SEC14L1: variants seen among roughly 807,000 people sequenced by gnomAD.
SEC14L1 encodes the protein SEC14 like lipid binding 1.
SEC14L1 carries 48 observed loss-of-function variants against 85.3 expected under a neutral mutation model. That is an observed-to-expected ratio of 0.56 (90% CI 0.45 to 0.72). The LOEUF is 0.72. Ranked by LOEUF, SEC14L1 falls within the 30% of genes least tolerant of loss-of-function variation. SEC14L1 has a pLI of 0.00. For missense variants in SEC14L1, 682 were observed against 921.4 expected (o/e 0.74, Z 3.36); for synonymous variants, 391 against 355.5 (o/e 1.10, Z -1.12).
At chr17:77,161,620 G>T (rs1027969880) in intron 3 of SEC14L1, among the ~76,000 whole-genome samples, 14 of 151,130 alleles carry the variant, frequency 9.3e-5, no homozygotes, top group African/African-American at 3.4e-4. Flanking sequence ...AGGAGGGTTT[G>T]TACATGACTC....
chr17:77,198,256 C>T (rs1483232809), intron 8 of SEC14L1, among the ~76,000 whole-genome samples: 1 of 152,192 alleles, frequency 6.6e-6, no homozygotes, highest in Non-Finnish European at 1.5e-5. Context: ...GTGAGTCTTG[C>T]TTGGTTCTGA....
intron 3 of SEC14L1, among the ~76,000 whole-genome samples, chr17:77,144,319 T>C (rs1973180944): frequency 6.6e-6 from 1 of 152,196 alleles, no homozygotes. Flanking sequence ...ACACACCTGA[T>C]GAAAACGTGT....
rs1159892332 is a variant in SEC14L1 at position 77,215,528 on chromosome 17, G to A, written c.*1505G>A. The A allele has an allele frequency of 1.0e-6, 1 of 986,554 alleles. No individual in the cohort carries two copies. Among genetic ancestry groups the A allele is most frequent in the African/African-American group, 1.7e-5 (1 of 57,162 alleles). 61.1% of individuals were successfully genotyped at this position (986,554 alleles called of 1,614,324 possible). A position where few individuals can be genotyped will look rare whatever the true frequency, so the allele number is the denominator to read the frequency against. On this transcript the variant is annotated 3_prime_UTR_variant, in exon 17 of 17. Coordinates refer to ENST00000436233, the MANE Select transcript of SEC14L1 (RefSeq NM_001143998.2). ...GGAGGCCATGTGTGCCCCGTGCAGG[G>A]ATCAGGAGGGCGGGGGAGGGACCGA...
intron 3 of SEC14L1, among the ~76,000 whole-genome samples, chr17:77,095,752 G>A (rs1971626353): frequency 6.6e-6 from 1 of 152,070 alleles, no homozygotes; most frequent in Non-Finnish European, 1.5e-5. Flanking sequence ...AGGAGACAGA[G>A]GTTTCGGTGA....
At chr17:77,103,428 G>T (rs991030796) in intron 3 of SEC14L1, among the ~76,000 whole-genome samples, 6 of 150,038 alleles carry the variant, frequency 4.0e-5, no homozygotes, top group Non-Finnish European at 7.4e-5. Context: ...TTTCTTTTTT[G>T]TTGTTGTTTT....
intron 2 of SEC14L1, among the ~76,000 whole-genome samples, chr17:77,092,110 G>A (rs1192398969): frequency 6.6e-6 from 1 of 152,026 alleles, no homozygotes; most frequent in Non-Finnish European, 1.5e-5. Context: ...CACCTGGCCT[G>A]TTTATGGAAT....
chr17:77,165,516 G>A (rs944260187), intron 3 of SEC14L1, among the ~76,000 whole-genome samples: 1 of 152,168 alleles, frequency 6.6e-6, no homozygotes, highest in African/African-American at 2.4e-5. Flanking sequence ...GAGTAGAGGG[G>A]TGACTTTGAG....
intron 9 of SEC14L1, among the ~76,000 whole-genome samples, chr17:77,202,932 A>T (rs1159795084): frequency 9.3e-5 from 11 of 118,164 alleles, no homozygotes; most frequent in Admixed American, 4.4e-4. Context: ...AAAAAATAAA[A>T]AAATAAAAAA....
chr17:77,212,056 C>T lies in SEC14L1; in HGVS notation c.1718C>T (p.Pro573Leu). ...NIYHSKRSPQ[P>L]PKKDSLGAHS... The stretch of plus-strand genomic sequence containing the variant: ...TATCACTCCAAGAGGTCGCCACAAC[C>T]ACCCAAAAAGGACTCCCTGGGAGCC... Residue 573 changes from proline to leucine, a missense_variant, in exon 15 of 17, where the codon CCA becomes CTA. By Grantham distance (98) the Pro-to-Leu change is moderately conservative. Transcript: ENST00000436233. The T allele has an allele frequency of 6.2e-7, 1 of 1,614,144 alleles. No individual in the cohort carries two copies. Among genetic ancestry groups the T allele is most frequent in the South Asian group, 1.1e-5 (1 of 91,080 alleles).
At position 77,189,778 on chromosome 17, in the gene SEC14L1, G is replaced by A. The variant is rs547217878; in HGVS notation, c.64-1025G>A. ...TGAGTAGCTGGAACTACAGGCGCCC[G>A]CCACCACGCCCGGCTAATTTTTTGT... On this transcript the variant is annotated intron_variant, in intron 3 of 16. Transcript: ENST00000436233. Among the ~76,000 whole-genome samples, 25 of 152,184 alleles carry A rather than the reference G, an allele frequency of 1.6e-4. No homozygotes were observed. In the South Asian group the frequency reaches 1.7e-3, roughly 10 times the overall value.
At position 77,213,781 on chromosome 17, in the gene SEC14L1, T is replaced by C. The variant is rs935059053; in HGVS notation, c.2043-137T>C. 1 of 1,160,190 alleles carries C rather than the reference T, an allele frequency of 8.6e-7. No homozygotes were observed. Among genetic ancestry groups the C allele is most frequent in the South Asian group, 1.3e-5 (1 of 79,292 alleles). 71.9% of individuals were successfully genotyped at this position (1,160,190 alleles called of 1,614,324 possible). The stretch of plus-strand genomic sequence containing the variant: ...CCCCCTGGTGGGTTACTCATGTCCA[T>C]CCCCCGTTTGCAAGCACTGATGGGG... On this transcript the variant is annotated intron_variant, in intron 16 of 16. Transcript: ENST00000436233. This position sits in a 1 kb window ranked among gnomAD's most constrained non-coding sequence, Gnocchi z 7.1.
At chr17:77,131,712 G>A (rs1180332730) in intron 3 of SEC14L1, among the ~76,000 whole-genome samples, 3 of 152,236 alleles carry the variant, frequency 2.0e-5, no homozygotes, top group Non-Finnish European at 2.9e-5. Context: ...GACAAATGAA[G>A]TTGGGGACGA....
upstream of SEC14L1, among the ~76,000 whole-genome samples, chr17:77,139,515 T>G (rs796789852): frequency 0.08 from 6,204 of 77,640 alleles, 196 homozygotes; most frequent in South Asian, 0.2. Flanking sequence ...TTTTTTTTTT[T>G]GGGACGGAGT....
At chr17:77,146,962 T>C (rs1973338370) in intron 3 of SEC14L1, among the ~76,000 whole-genome samples, 1 of 152,206 alleles carries the variant, frequency 6.6e-6, no homozygotes, top group African/African-American at 2.4e-5. Flanking sequence ...AATGCCCTTT[T>C]CAGTTCAGCA....
intron 3 of SEC14L1, among the ~76,000 whole-genome samples, chr17:77,177,726 G>T (rs767289204): frequency 6.6e-5 from 10 of 152,112 alleles, no homozygotes; most frequent in African/African-American, 1.2e-4. Flanking sequence ...TGTTTTAGCA[G>T]ATGATTATTT....
chr17:77,111,326 C>T (rs192415721), intron 3 of SEC14L1, among the ~76,000 whole-genome samples: 223 of 150,958 alleles, frequency 1.5e-3, no homozygotes, highest in Admixed American at 3.4e-3. Context: ...TGTCTAAAGA[C>T]GTGGGATTGA....
At position 77,191,230 on chromosome 17, in the gene SEC14L1, C is replaced by A; in HGVS notation, c.263C>A (p.Ser88Tyr). The change falls in exon 5 of 17, where the codon TCT (serine) becomes TAT (tyrosine). Residue 88 changes from serine (S) to tyrosine (Y), a missense_variant. Ser to Tyr is a moderately radical substitution (Grantham distance 144, BLOSUM62 -2). Transcript: ENST00000436233. ...TTTGTCCAGAAAAACTCACTGAATT[C>A]TCGGGAACGTACTTTGCACATTGAG... is the stretch of plus-strand genomic sequence containing the variant. The part of the protein sequence containing the change: ...VYFVQKNSLN[S>Y]RERTLHIEAY... 3.1e-6 allele frequency: 5 copies of A among 1,613,294 alleles called. No homozygotes were observed. Among genetic ancestry groups the A allele is most frequent in the Non-Finnish European group, 4.2e-6 (5 of 1,179,484 alleles).
intron 3 of SEC14L1, among the ~76,000 whole-genome samples, chr17:77,145,875 C>T (rs1275324485): frequency 6.6e-6 from 1 of 152,196 alleles, no homozygotes; most frequent in African/African-American, 2.4e-5. Context: ...ACCCCGCCAC[C>T]AGCTGGCTGC....
In SEC14L1 at chr17:77,216,290, T is replaced by C. The variant is rs1219275378; in HGVS notation, c.*2267T>C. The C allele has an allele frequency of 1.1e-3, 1,351 of 1,257,178 alleles. 3 individuals carry two copies. The highest frequency in any genetic ancestry group is 5.9e-3 in the Admixed American group (130 of 21,970). 77.9% of individuals were successfully genotyped at this position (1,257,178 alleles called of 1,614,324 possible). ...TCGTAGGTAGGGTTAGTAGGTAGGG[T>C]TCGTAGGTAGGGCTAGTAGGTAGGG... On this transcript the variant is annotated 3_prime_UTR_variant, in exon 17 of 17. Coordinates refer to ENST00000436233, the MANE Select transcript of SEC14L1 (RefSeq NM_001143998.2).
Sources: allele counts gnomAD v4.1 joint callset (sites outside exome capture counted in the v4.1 genomes callset), GRCh38; gene constraint gnomAD v4.1.1; non-coding constraint Gnocchi (gnomAD v3.1); transcripts MANE v1.5; gene names NCBI Gene and HGNC (gene_info 2026-07-23, HGNC 2026-07-21).